DACH2: variants seen among roughly 807,000 people sequenced by gnomAD.
DACH2 encodes the protein dachshund homolog 2.
Under a neutral mutation model 35.8 loss-of-function variants are expected in DACH2, and 17 were observed. The observed-to-expected ratio is 0.48, with a 90% CI of 0.33 to 0.71. The LOEUF (loss-of-function observed/expected upper bound fraction) is 0.71, where lower values mean the gene tolerates loss of function less well. DACH2 is among the 30% of genes least tolerant of loss of function. The pLI is 0.02. For synonymous variants in DACH2, 195 were observed against 177.3 expected, an observed-to-expected ratio of 1.10 and a Z score of -0.79; for missense variants, 469 against 472.7, an observed-to-expected ratio of 0.99 and a Z score of 0.07.
chrX:86,314,235 G>A (rs1016789064), intron 1 of DACH2, among the ~76,000 whole-genome samples: 7 of 111,201 alleles, frequency 6.3e-5, no homozygotes, highest in African/African-American at 1.6e-4. Context: ...GCTAGAAATG[G>A]GCCAGGTGCC....
intron 1 of DACH2, among the ~76,000 whole-genome samples, chrX:86,163,563 C>T (rs1358789107): frequency 2.7e-5 from 3 of 111,143 alleles, no homozygotes; most frequent in Non-Finnish European, 5.7e-5. Context: ...CAATAATAAT[C>T]TTTTCTGCTT....
chrX:86,182,609 G>A (rs904158123), intron 1 of DACH2, among the ~76,000 whole-genome samples: 34 of 111,532 alleles, frequency 3.0e-4, no homozygotes, highest in Non-Finnish European at 4.3e-4. Flanking sequence ...GTCAGGTAGC[G>A]TGATGCTTCC....
chrX:86,290,601 C>A (rs7474255), intron 1 of DACH2, among the ~76,000 whole-genome samples: 1,609 of 108,970 alleles, frequency 0.015, 38 homozygotes, highest in African/African-American at 0.041. Flanking sequence ...ATTTTTGTAT[C>A]AGGTGTAAGG....
At chrX:86,363,491 T>A (rs2035766353) in intron 1 of DACH2, among the ~76,000 whole-genome samples, 1 of 111,622 alleles carries the variant, frequency 9.0e-6, no homozygotes, top group Admixed American at 9.6e-5. Context: ...GACAACATGA[T>A]AAGTTTCATA....
intron 3 of DACH2, among the ~76,000 whole-genome samples, chrX:86,536,409 G>C (rs770943439): frequency 8.0e-4 from 89 of 111,888 alleles, no homozygotes; most frequent in African/African-American, 2.8e-3. Flanking sequence ...CTGCAAAGCT[G>C]TCTCTTATGG....
At chrX:86,223,981 T>C (rs1267441623) in intron 1 of DACH2, among the ~76,000 whole-genome samples, 1 of 112,070 alleles carries the variant, frequency 8.9e-6, no homozygotes, top group African/African-American at 3.2e-5. Context: ...TCTTCATTTA[T>C]CAAAGAGGGT....
chrX:86,168,203 T>C (rs2031006610), intron 1 of DACH2, among the ~76,000 whole-genome samples: 1 of 111,852 alleles, frequency 8.9e-6, no homozygotes, highest in South Asian at 3.7e-4. Flanking sequence ...TTTCTTTATA[T>C]GGCTGGATGC....
At chrX:86,414,505 T>C (rs1467883496) in intron 2 of DACH2, among the ~76,000 whole-genome samples, 1 of 111,628 alleles carries the variant, frequency 9.0e-6, no homozygotes, top group Non-Finnish European at 1.9e-5. Flanking sequence ...TACTGTTAGA[T>C]CTGACATACA....
chrX:86,786,382 CACAGTTGAT>C (rs199609915), intron 7 of DACH2, among the ~76,000 whole-genome samples: 7,066 of 111,340 alleles, frequency 0.063, 234 homozygotes, highest in East Asian at 0.12. Context: ...ATGATTATAT[CACAGTTGAT>C]ACCTGCAACC....
chrX:86,816,941 G>A (rs187518539), intron 11 of DACH2, among the ~76,000 whole-genome samples: 10 of 111,915 alleles, frequency 8.9e-5, no homozygotes, highest in African/African-American at 2.3e-4. Flanking sequence ...TATGTTGCTC[G>A]CTGGAATTAA....
chrX:86,517,077 G>A (rs755788016), intron 3 of DACH2, among the ~76,000 whole-genome samples: 4 of 111,657 alleles, frequency 3.6e-5, no homozygotes, highest in African/African-American at 1.3e-4. Flanking sequence ...TATATACCCA[G>A]TAATAGAATT....
intron 2 of DACH2, among the ~76,000 whole-genome samples, chrX:86,492,269 A>G (rs1005394674): frequency 9.0e-6 from 1 of 111,252 alleles, no homozygotes; most frequent in Admixed American, 9.6e-5. Context: ...TACACATAGT[A>G]TTCTAAAACC....
At chrX:86,798,580 TA>T in intron 7 of DACH2, 1 of 117,586 alleles carries the variant, frequency 8.5e-6, no homozygotes. Context: ...AGGTGGATCT[TA>T]AACTCAGGAT....
intron 5 of DACH2, among the ~76,000 whole-genome samples, chrX:86,707,261 C>A (rs1418220395): frequency 9.0e-6 from 1 of 111,410 alleles, no homozygotes; most frequent in Non-Finnish European, 1.9e-5. Context: ...TTGAAAGATA[C>A]AATCTACCAA....
intron 1 of DACH2, among the ~76,000 whole-genome samples, chrX:86,327,751 G>C (rs1196967627): frequency 1.8e-5 from 2 of 111,723 alleles, no homozygotes; most frequent in Admixed American, 9.5e-5. Flanking sequence ...GAAATTACTT[G>C]TTTTTGGTAG....
intron 2 of DACH2, among the ~76,000 whole-genome samples, chrX:86,509,868 A>T (rs767251815): frequency 8.0e-5 from 9 of 112,096 alleles, no homozygotes; most frequent in Admixed American, 1.9e-4. Flanking sequence ...AAGGGATTTT[A>T]AATATCAGTG....
chrX:86,742,378 C>G (rs903823550), intron 7 of DACH2, among the ~76,000 whole-genome samples: 3 of 110,130 alleles, frequency 2.7e-5, no homozygotes, highest in African/African-American at 9.9e-5. Flanking sequence ...ATTAATTTTG[C>G]TATGTTGGCA....
chrX:86,421,165 T>C (rs1270958088), intron 2 of DACH2, among the ~76,000 whole-genome samples: 1 of 111,950 alleles, frequency 8.9e-6, no homozygotes, highest in Admixed American at 9.5e-5. Context: ...GTAAGCTTTA[T>C]GGCACCTCTT....
At chrX:86,208,700 G>A (rs760644521) in intron 1 of DACH2, among the ~76,000 whole-genome samples, 76 of 111,142 alleles carry the variant, frequency 6.8e-4, no homozygotes, top group Non-Finnish European at 8.1e-4. Flanking sequence ...AGGAACTCAC[G>A]GACTTGAAGG....
Sources: gnomAD v4.1 joint callset for allele counts (sites outside exome capture counted in the v4.1 genomes callset) on GRCh38, gnomAD v4.1.1 for gene constraint, MANE v1.5 for transcripts, NCBI Gene and HGNC (gene_info 2026-07-23, HGNC 2026-07-21) for gene names.